BPIFB1: variants seen among roughly 807,000 people sequenced by gnomAD.
BPIFB1 encodes the protein BPI fold-containing family B member 1.
BPIFB1 carries 34 observed loss-of-function variants against 55.1 expected under a neutral mutation model. The ratio of observed to expected loss-of-function variants is 0.62; its 90% CI spans 0.47 to 0.82. The LOEUF is 0.82. Among genes scored for constraint, BPIFB1 ranks in the 40% least tolerant of loss-of-function variants. The probability of loss-of-function intolerance (pLI) is 0.00; values close to 1 mark genes in which losing one functional copy is unlikely to be tolerated. For missense variants in BPIFB1, 532 were observed against 593.1 expected, an observed-to-expected ratio of 0.90 and a Z score of 1.07; for synonymous variants, 236 against 245.3, an observed-to-expected ratio of 0.96 and a Z score of 0.35.
At chr20:33,290,197 T>C (rs1980418765) in intron 4 of BPIFB1, among the ~76,000 whole-genome samples, 1 of 151,988 alleles carries the variant, frequency 6.6e-6, no homozygotes, top group Non-Finnish European at 1.5e-5. Flanking sequence ...TGGTAGGAGA[T>C]GAGGCCAGCA....
In BPIFB1 at chr20:33,291,159, A is replaced by G. The variant is rs542010999; in HGVS notation, c.515+53A>G. The G allele has an allele frequency of 1.3e-4, 206 of 1,592,324 alleles. 1 individual carries two copies. The East Asian group carries it at 4.2e-3, about 33-fold the overall frequency. On this transcript the variant is annotated intron_variant, in intron 5 of 15. Transcript: ENST00000253354. The stretch of plus-strand genomic sequence containing the variant: ...TCCCATCCTGCCTGGAAGGAACGCC[A>G]GGCAGTGGACTTCCCCCATTTTACA...
intron 3 of BPIFB1, 114 bp downstream of exon 3, chr20:33,288,996 A>G: frequency 7.9e-7 from 1 of 1,258,694 alleles, no homozygotes; most frequent in Non-Finnish European, 1.1e-6. Context: ...CAGATCACAA[A>G]GAGTGGATCA....
chr20:33,303,837 C>T (rs1001847965), intron 11 of BPIFB1, 121 bp from the exon 12 acceptor site: 4 of 958,352 alleles, frequency 4.2e-6, no homozygotes, highest in Non-Finnish European at 6.5e-6. Context: ...GAGGTCAAAC[C>T]CTTTGCCAAG....
In BPIFB1 at chr20:33,286,045, G is replaced by A. The variant is rs770374449; in HGVS notation, c.-29G>A. 3 of 1,607,566 alleles carry A rather than the reference G, an allele frequency of 1.9e-6. No homozygotes were observed. Among genetic ancestry groups the A allele is most frequent in the African/African-American group, 1.3e-5 (1 of 74,788 alleles). On this transcript the variant is annotated 5_prime_UTR_variant, in exon 2 of 16. Coordinates refer to ENST00000253354, the MANE Select transcript of BPIFB1 (RefSeq NM_033197.3). The stretch of plus-strand genomic sequence containing the variant: ...GTGCTCACCCCAGGTCTGGCATCCT[G>A]CACTTGCTGCCCTCTGACACCTGGG...
In BPIFB1 at chr20:33,304,486, AT is replaced by A. The variant is rs376790031; in HGVS notation, c.1209-359del. On this transcript the variant is annotated intron_variant, in intron 12 of 15. Coordinates refer to ENST00000253354, the MANE Select transcript of BPIFB1 (RefSeq NM_033197.3). Reference sequence around the variant, plus strand: ...TGTTTAATATAAATGAGTTGTGCACATATCAAATCAGACTATCTGGCTGCCC... The same window carrying A: ...TGTTTAATATAAATGAGTTGTGCACAATCAAATCAGACTATCTGGCTGCCC... 4.3e-3 allele frequency among the ~76,000 whole-genome samples: 651 copies of A among 152,328 alleles called. 8 individuals carry two copies. The highest frequency in any genetic ancestry group is 0.029 in the South Asian group (140 of 4,830).
Position 33,306,018 on chromosome 20 carries a change from ACAT to A in BPIFB1, c.1277_1279del (p.Ile426del). 6.2e-7 allele frequency: 1 copy of A among 1,614,048 alleles called. No individual in the cohort carries two copies. Among genetic ancestry groups the A allele is most frequent in the Non-Finnish European group, 8.5e-7 (1 of 1,180,004 alleles). On this transcript the variant is annotated inframe_deletion, in exon 14 of 16. Coordinates refer to ENST00000253354, the MANE Select transcript of BPIFB1 (RefSeq NM_033197.3). The stretch of plus-strand genomic sequence containing the variant: ...CTCTCACAGCCTGATGTTCTGAAAA[ACAT>A]CATCACTGAGATCATCCACTCCATC...
chr20:33,288,944 T>C, intron 3 of BPIFB1, 62 bp downstream of exon 3: 1 of 1,538,356 alleles, frequency 6.5e-7, no homozygotes, highest in Non-Finnish European at 8.8e-7. Context: ...CGGGACACGC[T>C]CTGCATGCTC....
At chr20:33,288,652 G>C (rs919232924) in intron 2 of BPIFB1, 89 bp from the exon 3 acceptor site, 2 of 1,504,440 alleles carry the variant, frequency 1.3e-6, no homozygotes, top group Non-Finnish European at 1.8e-6. Context: ...AGGGAGCCTC[G>C]AGTGATACCC....
intron 2 of BPIFB1, 150 bp from the exon 3 acceptor site, chr20:33,288,591 C>A: frequency 1.2e-6 from 1 of 855,752 alleles, no homozygotes; most frequent in Non-Finnish European, 1.8e-6. Flanking sequence ...GACTGGCAGG[C>A]TGGTCCTGAC....
Position 33,306,077 on chromosome 20 carries a change from T to G in BPIFB1, c.1318+12T>G. The G allele has an allele frequency of 6.2e-7, 1 of 1,613,938 alleles. No individual in the cohort carries two copies. The highest frequency in any genetic ancestry group is 8.5e-7 in the Non-Finnish European group (1 of 1,179,808). On this transcript the variant is annotated intron_variant, in intron 14 of 15. Transcript: ENST00000253354. ...GCCGAACCAGAATGGTGCATACCTCTGCCATCTGTGCCCCCTCTCTCCCCA... is the reference window on the plus strand; with the variant it reads ...GCCGAACCAGAATGGTGCATACCTCGGCCATCTGTGCCCCCTCTCTCCCCA...
intron 11 of BPIFB1, 129 bp from the exon 12 acceptor site, chr20:33,303,829 G>C: frequency 1.2e-6 from 1 of 852,300 alleles, no homozygotes; most frequent in Non-Finnish European, 1.9e-6. Flanking sequence ...GGCCCAGAGA[G>C]GTCAAACCCT....
At position 33,309,447 on chromosome 20, in the gene BPIFB1, C is replaced by A. The variant is rs552705776; in HGVS notation, c.1396-261C>A. On this transcript the variant is annotated intron_variant, in intron 15 of 15. Transcript: ENST00000253354. The surrounding 1 kb of genome is among the most constrained non-coding windows in gnomAD (Gnocchi z 4.4). ...TCCCACTTCTGCCACCTACTGAGTGCGTGACTTTGGAAAGGGGCTTTTGCC... is the reference window on the plus strand; with the variant it reads ...TCCCACTTCTGCCACCTACTGAGTGAGTGACTTTGGAAAGGGGCTTTTGCC... Among the ~76,000 whole-genome samples the A allele has an allele frequency of 1.3e-5, 2 of 152,212 alleles. No individual in the cohort carries two copies. Among genetic ancestry groups the A allele is most frequent in the East Asian group, 3.9e-4 (2 of 5,170 alleles).
chr20:33,304,108 T>C lies in BPIFB1; in HGVS notation c.1208+83T>C, dbSNP rs558566849. 1.4e-5 allele frequency: 18 copies of C among 1,306,906 alleles called. No individual in the cohort carries two copies. In the East Asian group the frequency reaches 4.0e-4, roughly 29 times the overall value. The allele number at this position is 1,306,906 out of a possible 1,614,324, so 81.0% of individuals were successfully genotyped here. A position where few individuals can be genotyped will look rare whatever the true frequency, so the allele number is the denominator to read the frequency against. ...CCATGGGTTTCTTTAAACACCGACT[T>C]TGTGGCTGTCAGGTGAAGGCGGCTC... On this transcript the variant is annotated intron_variant, in intron 12 of 15. Coordinates refer to ENST00000253354, the MANE Select transcript of BPIFB1 (RefSeq NM_033197.3).
intron 7 of BPIFB1, among the ~76,000 whole-genome samples, chr20:33,299,532 T>C (rs1366185833): frequency 6.6e-6 from 1 of 152,156 alleles, no homozygotes. Context: ...TCAGTTCCGT[T>C]CCAAACCGGG....
rs144249794 is a variant in BPIFB1, at chr20:33,290,098, G to C, written c.365+106G>C. On this transcript the variant is annotated intron_variant, in intron 4 of 15. Transcript: ENST00000253354. The stretch of plus-strand genomic sequence containing the variant: ...TGTCTGGAAAAGAGAGTTCCGAGCA[G>C]AGAGAAGAGCAAGTGCAGAGGCCCT... The C allele has an allele frequency of 9.3e-5, 80 of 859,198 alleles. No individual in the cohort carries two copies. In the African/African-American group the frequency reaches 1.2e-3, roughly 13 times the overall value. The allele number at this position is 859,198 out of a possible 1,614,324, so 53.2% of individuals were successfully genotyped here. A position where few individuals can be genotyped will look rare whatever the true frequency, so the allele number is the denominator to read the frequency against.
At chr20:33,302,740 GGCT>G (rs923572037) in intron 10 of BPIFB1, 173 bp from the exon 11 acceptor site, 10 of 738,802 alleles carry the variant, frequency 1.4e-5, no homozygotes, top group Admixed American at 2.9e-5. Context: ...GGAGACCAAA[GGCT>G]GCCAGGTAGG....
rs774623906 is a variant in BPIFB1 at position 33,291,957 on chromosome 20, T to C, written c.566T>C (p.Val189Ala). ...ALAKQVMNLL[V>A]PSLPNLVKNQ... is the part of the protein sequence containing the mutation. ...GCTAAGCAGGTCATGAACCTCCTAG[T>C]GCCATCCCTGCCCAATCTAGTGAAA... The change falls in exon 6 of 16, where the codon GTG becomes GCG. Residue 189 changes from valine to alanine, a missense_variant. By Grantham distance (64) the Val-to-Ala change is moderately conservative (BLOSUM62 0). Transcript: ENST00000253354. The C allele has an allele frequency of 2.5e-6, 4 of 1,614,234 alleles. No homozygotes were observed. The highest frequency in any genetic ancestry group is 1.6e-4 in the Middle Eastern group (1 of 6,062).
intron 11 of BPIFB1, 100 bp downstream of exon 11, chr20:33,303,174 C>A: frequency 1.4e-6 from 2 of 1,452,558 alleles, no homozygotes; most frequent in Non-Finnish European, 1.9e-6. Context: ...CCACCACTCT[C>A]ATCACTTAGC....
intron 2 of BPIFB1, among the ~76,000 whole-genome samples, chr20:33,286,584 T>C (rs987987114): frequency 7.9e-5 from 12 of 152,180 alleles, no homozygotes; most frequent in African/African-American, 2.7e-4. Context: ...GCAGCCTGGG[T>C]CCCAGGCACA....
Sources: gnomAD v4.1 joint callset for allele counts (sites outside exome capture counted in the v4.1 genomes callset) on GRCh38, gnomAD v4.1.1 for gene constraint, Gnocchi (gnomAD v3.1) non-coding constraint, MANE v1.5 for transcripts, NCBI Gene and HGNC (gene_info 2026-07-23, HGNC 2026-07-21) for gene names.